Variants in SOX6 observed in about 807,000 individuals in gnomAD.
SOX6 encodes the protein SRY-box transcription factor 6.
Under a neutral mutation model 97.8 loss-of-function variants are expected in SOX6, and 11 were observed. The ratio of observed to expected loss-of-function variants is 0.11; its 90% CI spans 0.07 to 0.19. The LOEUF is 0.19. Ranked by LOEUF, SOX6 falls within the 10% of genes least tolerant of loss-of-function variation. The pLI is 1.00. For synonymous variants in SOX6, 360 were observed against 371.4 expected (o/e 0.97, Z 0.35); for missense variants, 810 against 1,039.5 (o/e 0.78, Z 3.04).
rs1446621498 is a variant in SOX6 at position 16,363,677 on chromosome 11, A to G, written c.-4-22425T>C. ...TTTTAATGACTACTTGGTTACTAAA[A>G]GTCAGTACTCCAACAGTTAGTCTCT... On this transcript the variant is annotated intron_variant, in intron 1 of 15. Coordinates refer to the SOX6 transcript ENST00000396356. Among the ~76,000 whole-genome samples, 3 of 152,160 alleles carry G rather than the reference A, an allele frequency of 2.0e-5. No individual in the cohort carries two copies. In the East Asian group the frequency reaches 5.8e-4, roughly 29 times the overall value.
At chr11:16,606,230 C>CT (rs5789958) in intron 4 of SOX6, among the ~76,000 whole-genome samples, 2,265 of 144,270 alleles carry the variant, frequency 0.016, 27 homozygotes, top group East Asian at 0.037. Flanking sequence ...CCTCTTTTTT[C>CT]TTTTTTTTTT....
chr11:16,506,925 A>G (rs1860797076), intron 4 of SOX6, among the ~76,000 whole-genome samples: 1 of 152,104 alleles, frequency 6.6e-6, no homozygotes, highest in Non-Finnish European at 1.5e-5. Context: ...GTAGCCAGGC[A>G]TGGTGGCGAA....
At chr11:16,674,222 A>T (rs1337038506) in intron 3 of SOX6, among the ~76,000 whole-genome samples, 1 of 149,958 alleles carries the variant, frequency 6.7e-6, no homozygotes, top group African/African-American at 2.5e-5. Context: ...ATTCATCATG[A>T]TCAAGTGGGA....
At chr11:16,200,617 A>G (rs1223114919) in intron 4 of SOX6, among the ~76,000 whole-genome samples, 1 of 152,218 alleles carries the variant, frequency 6.6e-6, no homozygotes, top group Non-Finnish European at 1.5e-5. Flanking sequence ...TTGTGATTCC[A>G]AAAGTACTCA....
intron 1 of SOX6, among the ~76,000 whole-genome samples, chr11:16,343,439 A>G (rs982031788): frequency 6.6e-6 from 1 of 151,908 alleles, no homozygotes; most frequent in Non-Finnish European, 1.5e-5. Flanking sequence ...GTTTAAATTA[A>G]TCATGACAAA....
rs368794273 is a variant in SOX6, at chr11:16,346,191, T to C, written c.-4-4939A>G. ...ATAATTCACTGTTAATATAATGCTG[T>C]ACTTGAGCTGATATTGAGAAATAAA... On this transcript the variant is annotated intron_variant, in intron 1 of 15. Transcript: ENST00000683767. 1.2e-4 allele frequency among the ~76,000 whole-genome samples: 19 copies of C among 152,038 alleles called. 1 individual carries two copies. Among genetic ancestry groups the C allele is most frequent in the Admixed American group, 5.3e-4 (8 of 15,214 alleles).
intron 4 of SOX6, among the ~76,000 whole-genome samples, chr11:16,598,350 G>A (rs1041701374): frequency 9.9e-5 from 15 of 151,980 alleles, no homozygotes; most frequent in African/African-American, 3.6e-4. Context: ...AAATATTCCT[G>A]ACCTTCAATA....
intron 1 of SOX6, among the ~76,000 whole-genome samples, chr11:16,428,739 T>C (rs1047319829): frequency 6.6e-6 from 1 of 152,200 alleles, no homozygotes; most frequent in African/African-American, 2.4e-5. Flanking sequence ...CCTTGTAGTA[T>C]AGTTTGAAGT....
At chr11:16,588,663 A>G (rs1848120569) in intron 4 of SOX6, among the ~76,000 whole-genome samples, 1 of 152,154 alleles carries the variant, frequency 6.6e-6, no homozygotes, top group African/African-American at 2.4e-5. Flanking sequence ...CCTCACACCA[A>G]CAAAATGACT....
chr11:16,047,701 C>CGTGT (rs68008241), intron 11 of SOX6, among the ~76,000 whole-genome samples: 2,566 of 146,004 alleles, frequency 0.018, 25 homozygotes, highest in East Asian at 0.025. Flanking sequence ...CATTTCATAG[C>CGTGT]GTGTGTGTGT....
chr11:16,282,388 G>A (rs370313096), intron 3 of SOX6, among the ~76,000 whole-genome samples: 1 of 151,428 alleles, frequency 6.6e-6, no homozygotes, highest in African/African-American at 2.4e-5. Context: ...AAGTTTTCTG[G>A]ACTCAAAATA....
intron 4 of SOX6, among the ~76,000 whole-genome samples, chr11:16,572,329 A>C (rs1475358126): frequency 6.6e-6 from 1 of 152,196 alleles, no homozygotes; most frequent in Non-Finnish European, 1.5e-5. Flanking sequence ...TTATAATCCC[A>C]AGATTTTCAT....
At chr11:16,715,706 A>G (rs370856545) in intron 2 of SOX6, among the ~76,000 whole-genome samples, 3 of 152,164 alleles carry the variant, frequency 2.0e-5, no homozygotes, top group East Asian at 1.9e-4. Flanking sequence ...GTAACAGCTA[A>G]AAGTGTTTAT....
intron 6 of SOX6, among the ~76,000 whole-genome samples, chr11:16,173,651 G>A (rs1851101707): frequency 6.7e-6 from 1 of 148,258 alleles, no homozygotes; most frequent in Non-Finnish European, 1.5e-5. Flanking sequence ...AAAACTACTA[G>A]TAAATTTTTT....
chr11:16,359,711 A>G (rs553102184), upstream of SOX6, among the ~76,000 whole-genome samples: 5 of 152,310 alleles, frequency 3.3e-5, no homozygotes, highest in Admixed American at 3.3e-4. Context: ...TGAAGCGAGT[A>G]GGGAACGAAG....
chr11:16,386,962 C>T (rs1368040523), intron 1 of SOX6, among the ~76,000 whole-genome samples: 3 of 152,118 alleles, frequency 2.0e-5, no homozygotes, highest in African/African-American at 7.2e-5. Context: ...TTATGTGAGT[C>T]ACTAAAATTA....
intron 3 of SOX6, among the ~76,000 whole-genome samples, chr11:16,657,441 A>G (rs1364242546): frequency 6.6e-6 from 1 of 152,162 alleles, no homozygotes; most frequent in East Asian, 1.9e-4. Flanking sequence ...TAAATCTTCA[A>G]CTCATTTGGG....
chr11:16,060,303 C>T (rs1243942012), intron 9 of SOX6, among the ~76,000 whole-genome samples: 1 of 151,628 alleles, frequency 6.6e-6, no homozygotes. Flanking sequence ...GTGGGTTGTA[C>T]CTAAGGAAGG....
chr11:16,442,318 C>A (rs543818880), intron 1 of SOX6, among the ~76,000 whole-genome samples: 3 of 152,178 alleles, frequency 2.0e-5, no homozygotes, highest in African/African-American at 7.2e-5. Context: ...AGGTGTTTCT[C>A]TGAAAGAAGA....
Sources: gnomAD v4.1 joint callset for allele counts (sites outside exome capture counted in the v4.1 genomes callset) on GRCh38, gnomAD v4.1.1 for gene constraint, MANE v1.5 for transcripts, NCBI Gene and HGNC (gene_info 2026-07-23, HGNC 2026-07-21) for gene names.